Variants in VPS16 observed in about 807,000 individuals in gnomAD.
VPS16 encodes VPS16 core subunit of CORVET and HOPS complexes, also known as vacuolar protein sorting-associated protein 16 homolog.
In VPS16, 82 loss-of-function variants were observed where a neutral mutation model predicts 116.0. That is an observed-to-expected ratio of 0.71 (90% CI 0.59 to 0.85). The LOEUF is 0.85. Ranked by LOEUF, VPS16 falls within the 40% of genes least tolerant of loss-of-function variation. VPS16 has a pLI of 0.00. For synonymous variants in VPS16, 406 were observed against 420.7 expected (o/e 0.96, Z 0.43); for missense variants, 928 against 1,090.6 (o/e 0.85, Z 2.10).
intron 1 of VPS16, among the ~76,000 whole-genome samples, chr20:2,848,452 C>T (rs1014215797): frequency 6.6e-6 from 1 of 152,092 alleles, no homozygotes; most frequent in Admixed American, 6.6e-5. Context: ...TAATAGTGAG[C>T]GGAGCCACTC....
At chr20:2,849,466 A>G (rs567226381) in intron 1 of VPS16, among the ~76,000 whole-genome samples, 10 of 152,076 alleles carry the variant, frequency 6.6e-5, no homozygotes, top group African/African-American at 2.2e-4. Flanking sequence ...ACGCCCAGCT[A>G]ATTTTGTATT....
At position 2,853,814 on chromosome 20, in the gene VPS16, A is replaced by G. The variant is rs183004835; in HGVS notation, c.54-5905A>G. 5.8e-3 allele frequency among the ~76,000 whole-genome samples: 885 copies of G among 152,144 alleles called. 4 individuals are homozygous for G. Among genetic ancestry groups the G allele is most frequent in the Non-Finnish European group, 9.4e-3 (640 of 68,014 alleles). Reference sequence around the variant, plus strand: ...CAGCTTACTGATTAGCTGGGATTACAGGCACCCGCCACCACACCTGGCTAA... The same window carrying G: ...CAGCTTACTGATTAGCTGGGATTACGGGCACCCGCCACCACACCTGGCTAA... On this transcript the variant is annotated intron_variant, in intron 1 of 23. Transcript: ENST00000380445.
chr20:2,861,924 A>C, intron 10 of VPS16, 25 bp downstream of exon 10: 1 of 1,611,668 alleles, frequency 6.2e-7, no homozygotes, highest in Non-Finnish European at 8.5e-7. Flanking sequence ...AGGGCACCAC[A>C]TAACCCAAGG....
intron 12 of VPS16, 48 bp from the exon 13 acceptor site, chr20:2,862,759 G>GGGGGTGGC: frequency 1.3e-6 from 1 of 777,202 alleles, no homozygotes; most frequent in Non-Finnish European, 2.1e-6. Context: ...GAGGGGGTGG[G>GGGGGTGGC]ATGGGCAGCA....
chr20:2,843,289 G>A (rs902116363), intron 1 of VPS16, among the ~76,000 whole-genome samples: 4 of 152,232 alleles, frequency 2.6e-5, no homozygotes, highest in Middle Eastern at 3.4e-3. Context: ...AAAATTTGCC[G>A]GGCGTGGTGG....
At chr20:2,862,219 A>G (rs2089236459) in intron 11 of VPS16, 89 bp downstream of exon 11, 2 of 1,453,462 alleles carry the variant, frequency 1.4e-6, no homozygotes, top group Admixed American at 2.1e-5. Context: ...GCCACCTGTC[A>G]AGAGAGGGGT....
chr20:2,865,149 C>G lies in VPS16; in HGVS notation c.2006C>G (p.Ala669Gly). The stretch of plus-strand genomic sequence containing the variant: ...ATGCCTCATTATCCGGGTCCCCAGG[C>G]TACAGAGGATCAAATGCGGCTCCTA... ...YKAKNEFAAK[A>G]TEDQMRLLRL... The change falls in exon 21 of 24, where the codon GCT becomes GGT. Residue 669 changes from alanine to glycine, a missense_variant and splice_region_variant. By Grantham distance (60) the Ala-to-Gly change is moderately conservative. Transcript: ENST00000380445. The surrounding 1 kb of genome is among the most constrained non-coding windows in gnomAD (Gnocchi z 5.2). 1 of 1,614,180 alleles carries G rather than the reference C, an allele frequency of 6.2e-7. No individual in the cohort carries two copies. Among genetic ancestry groups the G allele is most frequent in the East Asian group, 2.2e-5 (1 of 44,884 alleles).
intron 1 of VPS16, among the ~76,000 whole-genome samples, chr20:2,851,743 G>A (rs2089124007): frequency 6.6e-6 from 1 of 151,984 alleles, no homozygotes; most frequent in Non-Finnish European, 1.5e-5. Context: ...GCCGAGGCAG[G>A]CAGATCACAA....
chr20:2,860,578 ATGCCAGAGG>A lies in VPS16; in HGVS notation c.506_514del (p.Glu169_Pro171del). On this transcript the variant is annotated inframe_deletion, in exon 5 of 24. Transcript: ENST00000380445. The surrounding 1 kb of genome is among the most constrained non-coding windows in gnomAD (Gnocchi z 6.1). ...TGTGGGTGACCTCAAACTCCGCCGG[ATGCCAGAGG>A]TGCCAGGTAAGCCCTGACACCGCTG... The A allele has an allele frequency of 3.7e-6, 6 of 1,613,802 alleles. No individual in the cohort carries two copies. The highest frequency in any genetic ancestry group is 5.1e-6 in the Non-Finnish European group (6 of 1,180,020).
At chr20:2,859,268 A>G (rs2089202618) in intron 1 of VPS16, among the ~76,000 whole-genome samples, 1 of 152,180 alleles carries the variant, frequency 6.6e-6, no homozygotes, top group African/African-American at 2.4e-5. Flanking sequence ...CAGCCTGGGC[A>G]ACACACTGAG....
At position 2,853,594 on chromosome 20, in the gene VPS16, A is replaced by G. The variant is rs1169779584; in HGVS notation, c.54-6125A>G. On this transcript the variant is annotated intron_variant, in intron 1 of 23. Transcript: ENST00000380445. ...GAACCCCTCAAAGTCATCCATGAGG[A>G]TTGGAATCAACTTCTTCCAAACTCC... Among the ~76,000 whole-genome samples, 3 of 152,168 alleles carry G rather than the reference A, an allele frequency of 2.0e-5. No homozygotes were observed. In the East Asian group the frequency reaches 5.8e-4, roughly 29 times the overall value.
intron 1 of VPS16, among the ~76,000 whole-genome samples, chr20:2,850,965 CAAA>C (rs57731229): frequency 8.7e-5 from 8 of 91,448 alleles, no homozygotes; most frequent in Admixed American, 2.2e-4. Context: ...GTAAGACTGT[CAAA>C]AAAAAAAAAA....
In VPS16 at chr20:2,864,383, AC is replaced by A. The variant is rs2089290518; in HGVS notation, c.1741del (p.Leu581Ter). Reference sequence around the variant, plus strand: ...CCTGCAGTGTTCACGGTGTTGCTGCACCTGAAGAACGAGCTGAACCGAGGAG... The same window carrying A: ...CCTGCAGTGTTCACGGTGTTGCTGCACTGAAGAACGAGCTGAACCGAGGAG... ...DTDLVFTVLL[H>X]LKNELNRGDF... On this transcript the variant is annotated frameshift_variant, in exon 18 of 24. Coordinates refer to ENST00000380445, the MANE Select transcript of VPS16 (RefSeq NM_022575.4). LOFTEE classifies it high-confidence loss of function. This position sits in a 1 kb window ranked among gnomAD's most constrained non-coding sequence, Gnocchi z 5.2. The A allele has an allele frequency of 6.2e-7, 1 of 1,614,120 alleles. No individual in the cohort carries two copies. Among genetic ancestry groups the A allele is most frequent in the Non-Finnish European group, 8.5e-7 (1 of 1,180,014 alleles).
chr20:2,842,249 C>T (rs185629434), intron 1 of VPS16, among the ~76,000 whole-genome samples: 51 of 152,058 alleles, frequency 3.4e-4, no homozygotes, highest in South Asian at 2.5e-3. Context: ...GTGTAGGGAC[C>T]GATGTTAGAA....
intron 1 of VPS16, among the ~76,000 whole-genome samples, chr20:2,852,086 G>C (rs1246813051): frequency 6.6e-6 from 1 of 152,204 alleles, no homozygotes; most frequent in African/African-American, 2.4e-5. Context: ...TGGGGACCTG[G>C]TGTGGGCAGG....
In VPS16 at chr20:2,865,163, A is replaced by G. The variant is rs774796827; in HGVS notation, c.2020A>G (p.Met674Val). Residue 674 changes from methionine to valine, a missense_variant, in exon 21 of 24, where the codon ATG becomes GTG. Transcript: ENST00000380445. This position sits in a 1 kb window ranked among gnomAD's most constrained non-coding sequence, Gnocchi z 5.2. ...GGGTCCCCAGGCTACAGAGGATCAA[A>G]TGCGGCTCCTACGGCTGCAGCGGCG... ...EFAAKATEDQ[M>V]RLLRLQRRLE... The G allele has an allele frequency of 1.9e-6, 3 of 1,614,116 alleles. No homozygotes were observed. The Admixed American group carries it at 5.0e-5, about 27-fold the overall frequency.
Position 2,860,170 on chromosome 20 carries a change from C to G in VPS16, c.240+19C>G, listed in dbSNP as rs1357292167. 5.6e-6 allele frequency: 9 copies of G among 1,613,994 alleles called. No homozygotes were observed. The highest frequency in any genetic ancestry group is 7.6e-6 in the Non-Finnish European group (9 of 1,180,014). The stretch of plus-strand genomic sequence containing the variant: ...CCTGCTGGTGAGCACTTCTGATGGT[C>G]CCTGGGGCTCAGGGCTGGACAGGGT... On this transcript the variant is annotated intron_variant, in intron 3 of 23. Coordinates refer to ENST00000380445, the MANE Select transcript of VPS16 (RefSeq NM_022575.4). The surrounding 1 kb of genome is among the most constrained non-coding windows in gnomAD (Gnocchi z 6.1).
intron 1 of VPS16, among the ~76,000 whole-genome samples, chr20:2,847,296 C>T (rs2146645878): frequency 6.6e-6 from 1 of 152,222 alleles, no homozygotes; most frequent in East Asian, 1.9e-4. Context: ...CCCACGGCCT[C>T]CTAGGCATCC....
rs1201128134 is a variant in VPS16, at chr20:2,860,799, C to T, written c.566C>T (p.Ala189Val). Residue 189 changes from alanine (A) to valine (V), a missense_variant, in exon 6 of 24, where the codon GCA becomes GTA. By Grantham distance (64) the Ala-to-Val change is moderately conservative (BLOSUM62 0). Coordinates refer to ENST00000380445, the MANE Select transcript of VPS16 (RefSeq NM_022575.4). The surrounding 1 kb of genome is among the most constrained non-coding windows in gnomAD (Gnocchi z 6.1). ...ACTGTGCTGTGCCAGGACCGAGTGGCACACATTCTTCTGGCTGTGGGGCCT... is the reference window on the plus strand; with the variant it reads ...ACTGTGCTGTGCCAGGACCGAGTGGTACACATTCTTCTGGCTGTGGGGCCT... The part of the protein sequence containing the change: ...CWTVLCQDRV[A>V]HILLAVGPDL... 1 of 1,614,092 alleles carries T rather than the reference C, an allele frequency of 6.2e-7. No individual in the cohort carries two copies. The highest frequency in any genetic ancestry group is 8.5e-7 in the Non-Finnish European group (1 of 1,180,040).
Sources: gnomAD v4.1 joint callset for allele counts (sites outside exome capture counted in the v4.1 genomes callset) on GRCh38, gnomAD v4.1.1 for gene constraint, Gnocchi (gnomAD v3.1) non-coding constraint, MANE v1.5 for transcripts, NCBI Gene and HGNC (gene_info 2026-07-23, HGNC 2026-07-21) for gene names.